The following ABHD12 variants were observed in gnomAD, a reference collection of about 807,000 sequenced individuals.
The protein encoded by ABHD12 is lysophosphatidylserine lipase ABHD12.
In ABHD12, 43 loss-of-function variants were observed where a neutral mutation model predicts 58.3. The ratio of observed to expected loss-of-function variants is 0.74; its 90% confidence interval spans 0.58 to 0.95. The LOEUF (loss-of-function observed/expected upper bound fraction) is 0.95, where lower values mean the gene tolerates loss of function less well. ABHD12 is among the 40% of genes least tolerant of loss of function. ABHD12 has a pLI of 0.00. For synonymous variants in ABHD12, 219 were observed against 211.2 expected (o/e 1.04, Z -0.32); for missense variants, 539 against 537.2 (o/e 1.00, Z -0.03).
chr20:25,370,142 G>T (rs982742146), intron 1 of ABHD12, among the ~76,000 whole-genome samples: 2 of 152,118 alleles, frequency 1.3e-5, no homozygotes, highest in African/African-American at 2.4e-5. Flanking sequence ...AGCTTTCAAT[G>T]CCTTGGGGCG....
Position 25,300,744 on chromosome 20 carries a change from T to C in ABHD12, c.*101A>G. ...CAGGTGCGAGCTGGGCTCCTGAGCATTGCAGGTGCCGGCCCCCCGGGGCTT... is the reference window on the plus strand; with the variant it reads ...CAGGTGCGAGCTGGGCTCCTGAGCACTGCAGGTGCCGGCCCCCCGGGGCTT... On this transcript the variant is annotated 3_prime_UTR_variant, in exon 13 of 13. Coordinates refer to ENST00000339157, the MANE Select transcript of ABHD12 (RefSeq NM_001042472.3). 6.3e-7 allele frequency: 1 copy of C among 1,598,860 alleles called. No homozygotes were observed. The highest frequency in any genetic ancestry group is 1.7e-5 in the Admixed American group (1 of 57,908).
rs927058842 is a variant in ABHD12 at position 25,300,514 on chromosome 20, C to G, written c.*331G>C. 2 of 1,318,074 alleles carry G rather than the reference C, an allele frequency of 1.5e-6. No homozygotes were observed. Among genetic ancestry groups the G allele is most frequent in the Non-Finnish European group, 1.9e-6 (2 of 1,027,424 alleles). The allele number at this position is 1,318,074 out of a possible 1,614,324, so 81.6% of individuals were successfully genotyped here. Reference sequence around the variant, plus strand: ...TCCCGAGCCCCAAGAGTCCCCTGCCCGGACTCCCCCTGTCCAGCTCAGTGC... The same window carrying G: ...TCCCGAGCCCCAAGAGTCCCCTGCCGGGACTCCCCCTGTCCAGCTCAGTGC... On this transcript the variant is annotated 3_prime_UTR_variant, in exon 13 of 13. Transcript: ENST00000339157.
chr20:25,384,133 C>G (rs1600887349), intron 1 of ABHD12, among the ~76,000 whole-genome samples: 1 of 119,636 alleles, frequency 8.4e-6, no homozygotes, highest in East Asian at 2.3e-4. Flanking sequence ...CAGAGTGAGA[C>G]TCTGTCTCAA....
At chr20:25,308,422 T>C (rs761773541) in intron 8 of ABHD12, 35 bp downstream of exon 8, 3 of 1,606,232 alleles carry the variant, frequency 1.9e-6, no homozygotes, top group Admixed American at 3.4e-5. Flanking sequence ...CCCTGAATGC[T>C]CACTGCCACG....
intron 1 of ABHD12, among the ~76,000 whole-genome samples, chr20:25,381,774 G>A (rs548877878): frequency 2.3e-4 from 35 of 152,184 alleles, no homozygotes; most frequent in African/African-American, 8.0e-4. Context: ...AGGATTACAG[G>A]AGATAATCCC....
intron 1 of ABHD12, among the ~76,000 whole-genome samples, chr20:25,358,388 T>C (rs2089696717): frequency 1.3e-5 from 2 of 152,208 alleles, no homozygotes; most frequent in African/African-American, 4.8e-5. Flanking sequence ...AAAATTTCCC[T>C]GAAGTCATGA....
At chr20:25,308,195 G>A in intron 8 of ABHD12, 150 bp from the exon 9 acceptor site, 2 of 752,666 alleles carry the variant, frequency 2.7e-6, no homozygotes, top group Non-Finnish European at 4.6e-6. Context: ...ATAGCACCAG[G>A]GGTGCCCGCC....
At chr20:25,358,757 C>T (rs2089701461) in intron 1 of ABHD12, among the ~76,000 whole-genome samples, 1 of 152,258 alleles carries the variant, frequency 6.6e-6, no homozygotes, top group East Asian at 1.9e-4. Context: ...CGGCCACCCC[C>T]CAGAACACCT....
chr20:25,295,069 C>CA (rs1394339189), intron 12 of ABHD12: 1 of 1,599,892 alleles, frequency 6.3e-7, no homozygotes, highest in Non-Finnish European at 8.6e-7. Context: ...GTGAACTCTG[C>CA]ATTTCGTGAA....
chr20:25,382,003 T>C (rs576778339), intron 1 of ABHD12, among the ~76,000 whole-genome samples: 3 of 152,306 alleles, frequency 2.0e-5, no homozygotes, highest in African/African-American at 7.2e-5. Flanking sequence ...GCTAGTCATC[T>C]AGAAGATGTC....
rs1021589794 is a variant in ABHD12 at position 25,390,680 on chromosome 20, G to A, written c.24C>T (p.Val8=). 2.1e-6 allele frequency: 3 copies of A among 1,427,936 alleles called. No individual in the cohort carries two copies. The highest frequency in any genetic ancestry group is 1.5e-5 in the African/African-American group (1 of 66,854). The allele number at this position is 1,427,936 out of a possible 1,614,324, so 88.5% of individuals were successfully genotyped here. The change falls in exon 1 of 13, where the codon GTC becomes GTT. Residue 8 remains valine, a synonymous_variant. Transcript: ENST00000339157. Reference sequence around the variant, plus strand: ...CGGCGCAGCGCTCATGCTCCAAGGCGACGGGCTCGGTCCGCTTCCTCATCC... The same window carrying A: ...CGGCGCAGCGCTCATGCTCCAAGGCAACGGGCTCGGTCCGCTTCCTCATCC... MRKRTEP[V]ALEHERCAAA... is the part of the protein sequence containing the mutation.
intron 7 of ABHD12, among the ~76,000 whole-genome samples, chr20:25,309,057 G>A (rs1270857654): frequency 6.6e-6 from 1 of 152,198 alleles, no homozygotes. Flanking sequence ...CAGAGACGTG[G>A]ACCTCGCATC....
At chr20:25,351,554 GA>G in intron 1 of ABHD12, among the ~76,000 whole-genome samples, 1 of 152,348 alleles carries the variant, frequency 6.6e-6, no homozygotes, top group African/African-American at 2.4e-5. Context: ...ACTTGCCCTG[GA>G]AAGTCTAATT....
intron 1 of ABHD12, among the ~76,000 whole-genome samples, chr20:25,387,835 G>C (rs1271352901): frequency 1.3e-5 from 2 of 151,878 alleles, no homozygotes; most frequent in Non-Finnish European, 2.9e-5. Flanking sequence ...GAGGTCACGA[G>C]TTCGAGACCA....
intron 1 of ABHD12, among the ~76,000 whole-genome samples, chr20:25,344,858 T>G (rs1175215835): frequency 1.3e-5 from 2 of 152,300 alleles, no homozygotes; most frequent in East Asian, 3.9e-4. Context: ...AGTCGACTCA[T>G]CTGTGACAAA....
rs754403503 is a variant in ABHD12 at position 25,390,547 on chromosome 20, C to G, written c.157G>C (p.Ala53Pro). The change falls in exon 1 of 13, where the codon GCA (alanine) becomes CCA (proline). Residue 53 changes from alanine to proline, a missense_variant. Ala to Pro is a conservative substitution (Grantham distance 27, BLOSUM62 -1). Coordinates refer to ENST00000339157, the MANE Select transcript of ABHD12 (RefSeq NM_001042472.3). ...GCCCGCTTCATTCCCGCGTCGGCTG[C>G]GCAGCGCGGCTCAGCCGCCGCCGGG... Reference protein sequence around the residue: ...TGPAAAEPRCAADAGMKRALG... With the variant: ...TGPAAAEPRCPADAGMKRALG... The G allele has an allele frequency of 2.0e-6, 3 of 1,469,288 alleles. No homozygotes were observed. The highest frequency in any genetic ancestry group is 2.7e-6 in the Non-Finnish European group (3 of 1,117,006). 91.0% of individuals were successfully genotyped at this position (1,469,288 alleles called of 1,614,324 possible). A position where few individuals can be genotyped will look rare whatever the true frequency, so the allele number is the denominator to read the frequency against.
intron 1 of ABHD12, among the ~76,000 whole-genome samples, chr20:25,375,695 TG>T (rs1376903134): frequency 0.011 from 1,693 of 152,364 alleles, 32 homozygotes; most frequent in African/African-American, 0.036. Flanking sequence ...TACTGTCCTT[TG>T]TTGCTTGGTG....
At chr20:25,357,534 G>T (rs1377923631) in intron 1 of ABHD12, among the ~76,000 whole-genome samples, 3 of 152,130 alleles carry the variant, frequency 2.0e-5, no homozygotes, top group Admixed American at 2.0e-4. Flanking sequence ...AGAAAAATTG[G>T]TTCTGTAGGA....
intron 1 of ABHD12, among the ~76,000 whole-genome samples, chr20:25,384,778 G>A (rs1025117210): frequency 2.0e-5 from 3 of 152,094 alleles, no homozygotes; most frequent in African/African-American, 7.2e-5. Flanking sequence ...AAAAACACCA[G>A]CTAGTCTTTT....
Sources: gnomAD v4.1 joint callset for allele counts (sites outside exome capture counted in the v4.1 genomes callset) on GRCh38, gnomAD v4.1.1 for gene constraint, MANE v1.5 for transcripts, NCBI Gene and HGNC (gene_info 2026-07-23, HGNC 2026-07-21) for gene names.